Variants in FBF1 observed in about 807,000 individuals in gnomAD.
FBF1 encodes the protein Fas binding factor 1, also known as fas-binding factor 1.
A neutral mutation model predicts 147.2 loss-of-function variants in FBF1; 119 were observed. The ratio of observed to expected loss-of-function variants is 0.81; its 90% CI spans 0.70 to 0.94. The LOEUF (loss-of-function observed/expected upper bound fraction) is 0.94. FBF1 is among the 40% of genes least tolerant of loss of function. The probability of loss-of-function intolerance (pLI) is 0.00; values close to 1 mark genes in which losing one functional copy is unlikely to be tolerated. For synonymous variants in FBF1, 601 were observed against 609.0 expected (o/e 0.99, Z 0.19); for missense variants, 1,449 against 1,500.8 (o/e 0.97, Z 0.57).
At chr17:75,917,669 G>T (rs1013688231) in intron 23 of FBF1, 63 bp downstream of exon 23, 4 of 1,429,092 alleles carry the variant, frequency 2.8e-6, no homozygotes, top group South Asian at 1.3e-5. Context: ...CTACACTTGC[G>T]GGTGCCCTGG....
At chr17:75,939,792 C>T (rs764505288) in intron 1 of FBF1, 11 of 152,178 alleles carry the variant, frequency 7.2e-5, no homozygotes, top group African/African-American at 1.2e-4. Flanking sequence ...GTCTCCCTCC[C>T]CCTCCTCCAC....
intron 3 of FBF1, 80 bp from the exon 4 acceptor site, chr17:75,935,753 A>G (rs1266259084): frequency 2.2e-6 from 3 of 1,347,222 alleles, no homozygotes; most frequent in Non-Finnish European, 3.0e-6. Flanking sequence ...GAGACTCGCC[A>G]GAAGGCGTCA....
chr17:75,922,752 T>C lies in FBF1; in HGVS notation c.1424+434A>G, dbSNP rs1418083066. ...TCGGCCACTATGTCTCCTCTAACACTCTCAAAGAGCACAGGGACATCTCAG... is the reference window on the plus strand; with the variant it reads ...TCGGCCACTATGTCTCCTCTAACACCCTCAAAGAGCACAGGGACATCTCAG... On this transcript the variant is annotated intron_variant, in intron 14 of 29. Transcript: ENST00000636174. This position sits in a 1 kb window ranked among gnomAD's most constrained non-coding sequence, Gnocchi z 5.0. 2.6e-5 allele frequency among the ~76,000 whole-genome samples: 4 copies of C among 152,044 alleles called. No homozygotes were observed. The highest frequency in any genetic ancestry group is 6.5e-5 in the Admixed American group (1 of 15,268).
In FBF1 at chr17:75,913,808, A is replaced by G; in HGVS notation, c.3141T>C (p.Ser1047=). The change falls in exon 28 of 30, where the codon AGT becomes AGC. Residue 1047 remains serine (S), a synonymous_variant. Transcript: ENST00000636174. ...QEQHMHQEHL[S]LAQQRLQLDR... Reference sequence around the variant, plus strand: ...CCAGTTGCAGCCTCTGCTGGGCCAGACTCAGATGCTCCTGTCCCCGTTCCC... The same window carrying G: ...CCAGTTGCAGCCTCTGCTGGGCCAGGCTCAGATGCTCCTGTCCCCGTTCCC... The G allele has an allele frequency of 6.2e-7, 1 of 1,604,360 alleles. No homozygotes were observed. Among genetic ancestry groups the G allele is most frequent in the South Asian group, 1.1e-5 (1 of 90,046 alleles).
At position 75,910,783 on chromosome 17, in the gene FBF1, T is replaced by C. The variant is rs1367586266; in HGVS notation, c.3387A>G (p.Glu1129=). 1 of 1,611,116 alleles carries C rather than the reference T, an allele frequency of 6.2e-7. No individual in the cohort carries two copies. Among genetic ancestry groups the C allele is most frequent in the Admixed American group, 1.7e-5 (1 of 59,630 alleles). Residue 1129 remains glutamate, a synonymous_variant, in exon 30 of 30, where the codon GAA becomes GAG. Coordinates refer to ENST00000636174, the MANE Select transcript of FBF1 (RefSeq NM_001319193.2). The surrounding 1 kb of genome is among the most constrained non-coding windows in gnomAD (Gnocchi z 4.1). ...TCTTCAGGGTCTCCAGGAAGAACTG[T>C]TCATTCTCCAAGAAGTCACGGTCCT... The part of the protein sequence containing the change: ...AEQDRDFLEN[E]QFFLETLKKG...
chr17:75,940,137 G>A (rs1345258041), intron 1 of FBF1, among the ~76,000 whole-genome samples: 1 of 151,884 alleles, frequency 6.6e-6, no homozygotes, highest in Non-Finnish European at 1.5e-5. Context: ...GTAGAGACGG[G>A]GTTTCACTGT....
Position 75,915,043 on chromosome 17 carries a change from C to T in FBF1, c.2602G>A (p.Glu868Lys), listed in dbSNP as rs770676010. 1.9e-6 allele frequency: 3 copies of T among 1,613,614 alleles called. No individual in the cohort carries two copies. The highest frequency in any genetic ancestry group is 2.5e-6 in the Non-Finnish European group (3 of 1,179,866). ...RKVTAQQMAM[E>K]RAELERAKSA... is the part of the protein sequence containing the mutation. ...TTGGCCCGTTCCAGCTCCGCCCTTTCCATGGCCATCTGCTGGGCCGTGACC... is the reference window on the plus strand; with the variant it reads ...TTGGCCCGTTCCAGCTCCGCCCTTTTCATGGCCATCTGCTGGGCCGTGACC... Residue 868 changes from glutamate (E) to lysine (K), a missense_variant, in exon 24 of 30, where the codon GAA (glutamate) becomes AAA (lysine). Physicochemically the swap from Glu to Lys is moderately conservative, Grantham distance 56. Coordinates refer to ENST00000636174, the MANE Select transcript of FBF1 (RefSeq NM_001319193.2).
rs1325545272 is a variant in FBF1 at position 75,928,127 on chromosome 17, C to A, written c.346G>T (p.Ala116Ser). The A allele has an allele frequency of 6.2e-7, 1 of 1,613,820 alleles. No individual in the cohort carries two copies. The highest frequency in any genetic ancestry group is 8.5e-7 in the Non-Finnish European group (1 of 1,179,874). The change falls in exon 8 of 30, where the codon GCT (alanine) becomes TCT (serine). Residue 116 changes from alanine (A) to serine (S), a missense_variant. Physicochemically the swap from Ala to Ser is moderately conservative, Grantham distance 99. Transcript: ENST00000636174. This position sits in a 1 kb window ranked among gnomAD's most constrained non-coding sequence, Gnocchi z 4.2. ...TCTCCTTTCCCAGGGTCCTTTGCAG[C>A]TTTTTTGCTAGGGGCTGAATTAGAT... ...KKSNSAPSKK[A>S]AKDPGKGELP...
At chr17:75,914,475 C>T in intron 25 of FBF1, 177 bp from the exon 26 acceptor site, 1 of 1,024,192 alleles carries the variant, frequency 9.8e-7, no homozygotes, top group Non-Finnish European at 1.4e-6. Context: ...TCACAAGCCA[C>T]GTGACTGTGG....
intron 4 of FBF1, 144 bp from the exon 5 acceptor site, chr17:75,933,232 C>T (rs2065605098): frequency 1.8e-6 from 1 of 548,202 alleles, no homozygotes. Flanking sequence ...AATGTCACCC[C>T]TTGGAAAACC....
chr17:75,941,001 T>A lies in FBF1; in HGVS notation c.-237A>T, dbSNP rs551763230. 16 of 152,362 alleles carry A rather than the reference T, an allele frequency of 1.1e-4. No individual in the cohort carries two copies. The highest frequency in any genetic ancestry group is 3.8e-4 in the African/African-American group (16 of 41,580). 9.4% of individuals were successfully genotyped at this position (152,362 alleles called of 1,614,324 possible). On this transcript the variant is annotated 5_prime_UTR_variant, in exon 1 of 30. Transcript: ENST00000636174. ...TCGGGTCGCCCAGCCCGGCCAGGAC[T>A]GGCCTCCCGCTTCCAGCCGCTGCCG...
At chr17:75,931,727 G>T (rs944887913) in intron 5 of FBF1, among the ~76,000 whole-genome samples, 3 of 151,912 alleles carry the variant, frequency 2.0e-5, no homozygotes, top group African/African-American at 7.3e-5. Context: ...AGGCTGCAAT[G>T]AGCTGACATT....
intron 12 of FBF1, 26 bp downstream of exon 12, chr17:75,926,004 G>T (rs1223741856): frequency 6.3e-7 from 1 of 1,588,420 alleles, no homozygotes; most frequent in East Asian, 2.2e-5. Context: ...CTCCCGTCCT[G>T]TTGCGGCCCC....
intron 3 of FBF1, among the ~76,000 whole-genome samples, chr17:75,936,668 C>T (rs2144199074): frequency 6.6e-6 from 1 of 151,934 alleles, no homozygotes; most frequent in Admixed American, 6.6e-5. Context: ...GAGCAAGACT[C>T]CGTCTTAAAA....
At chr17:75,932,902 C>T (rs1479621250) in intron 5 of FBF1, 93 bp downstream of exon 5, 3 of 708,894 alleles carry the variant, frequency 4.2e-6, no homozygotes, top group South Asian at 3.1e-5. Context: ...AAAAAAATGG[C>T]GAGCAAATGT....
chr17:75,917,609 C>A, intron 23 of FBF1, 123 bp downstream of exon 23: 1 of 850,494 alleles, frequency 1.2e-6, no homozygotes. Context: ...AGGCAGGAAG[C>A]GGCAGGTGGG....
chr17:75,930,084 G>C, intron 6 of FBF1, 37 bp from the exon 7 acceptor site: 4 of 1,509,680 alleles, frequency 2.6e-6, no homozygotes, highest in Non-Finnish European at 3.6e-6. Flanking sequence ...CAGATGAGGA[G>C]GCACATTAGT....
At chr17:75,913,479 T>C (rs1343362331) in intron 28 of FBF1, 8 of 429,254 alleles carry the variant, frequency 1.9e-5, no homozygotes, top group African/African-American at 7.3e-5. Flanking sequence ...CCTTTTTTTT[T>C]CCTGAGTCCA....
chr17:75,917,048 T>C (rs2065493142), intron 23 of FBF1, among the ~76,000 whole-genome samples: 1 of 152,162 alleles, frequency 6.6e-6, no homozygotes, highest in Admixed American at 6.6e-5. Context: ...AGTTTCACCA[T>C]GTTGGCCAGG....
Sources: allele counts gnomAD v4.1 joint callset (sites outside exome capture counted in the v4.1 genomes callset), GRCh38; gene constraint gnomAD v4.1.1; non-coding constraint Gnocchi (gnomAD v3.1); transcripts MANE v1.5; gene names NCBI Gene and HGNC (gene_info 2026-07-23, HGNC 2026-07-21).